Variants in HERC2 observed in about 807,000 individuals in gnomAD.
The protein encoded by HERC2 is HECT and RLD domain containing E3 ubiquitin protein ligase 2, also known as E3 ubiquitin-protein ligase HERC2.
Under a neutral mutation model 537.7 loss-of-function variants are expected in HERC2, and 102 were observed. That is an observed-to-expected ratio of 0.19 (90% confidence interval 0.16 to 0.22). HERC2 has a LOEUF of 0.22. HERC2 is among the 10% of genes least tolerant of loss of function. HERC2 has a pLI of 1.00. For synonymous variants in HERC2, 2,224 were observed against 2,466.2 expected (o/e 0.90, Z 2.91); for missense variants, 4,236 against 6,198.2 (o/e 0.68, Z 10.63).
chr15:28,118,630 G>A (rs1201191772), intron 86 of HERC2, among the ~76,000 whole-genome samples: 8 of 152,208 alleles, frequency 5.3e-5, no homozygotes, highest in African/African-American at 1.9e-4. Context: ...TATCCAGACA[G>A]CTGTGAGAGT....
chr15:28,191,037 G>A lies in HERC2; in HGVS notation c.8577C>T (p.Asn2859=), dbSNP rs750188350. 1 of 1,612,072 alleles carries A rather than the reference G, an allele frequency of 6.2e-7. No individual in the cohort carries two copies. The highest frequency in any genetic ancestry group is 8.5e-7 in the Non-Finnish European group (1 of 1,178,178). The change falls in exon 55 of 93, where the codon AAC becomes AAT. Residue 2859 remains asparagine (N), a synonymous_variant. Transcript: ENST00000261609. ...TATTGATTGTCTTTAGTTCAATAAG[G>A]TTATTCAGGGAATTTCCACCTAGGA... ...VVVSGGNSLN[N]LIELKTININ...
In HERC2 at chr15:28,265,542, C is replaced by A; in HGVS notation, c.1870+76G>T. On this transcript the variant is annotated intron_variant, in intron 14 of 92. Coordinates refer to ENST00000261609, the MANE Select transcript of HERC2 (RefSeq NM_004667.6). The surrounding 1 kb of genome is among the most constrained non-coding windows in gnomAD (Gnocchi z 4.0). ...GGGTGGCCTCGTGAGGCCCACTGTA[C>A]TCATCTCACTTCCTCCAGGGAAGCT... The A allele has an allele frequency of 8.1e-7, 1 of 1,241,008 alleles. No individual in the cohort carries two copies. Among genetic ancestry groups the A allele is most frequent in the Non-Finnish European group, 1.2e-6 (1 of 848,962 alleles). 76.9% of individuals were successfully genotyped at this position (1,241,008 alleles called of 1,614,324 possible). A position where few individuals can be genotyped will look rare whatever the true frequency, so the allele number is the denominator to read the frequency against.
At chr15:28,311,996 G>C (rs146834211) in intron 2 of HERC2, among the ~76,000 whole-genome samples, 227 of 152,336 alleles carry the variant, frequency 1.5e-3, no homozygotes, top group African/African-American at 5.1e-3. Flanking sequence ...CACTGGGAAG[G>C]AAGAGGATAG....
intron 19 of HERC2, among the ~76,000 whole-genome samples, chr15:28,255,668 A>G (rs1239849023): frequency 6.6e-6 from 1 of 152,264 alleles, no homozygotes; most frequent in Non-Finnish European, 1.5e-5. Flanking sequence ...CTTCACTGAA[A>G]CAGACAACAT....
intron 20 of HERC2, among the ~76,000 whole-genome samples, chr15:28,250,579 G>A (rs942507654): frequency 3.3e-5 from 5 of 152,108 alleles, no homozygotes; most frequent in Admixed American, 6.5e-5. Context: ...GTGGCTCCTC[G>A]CCAGCATGTA....
chr15:28,298,247 G>A (rs1394816555), intron 3 of HERC2, among the ~76,000 whole-genome samples: 4 of 144,640 alleles, frequency 2.8e-5, no homozygotes, highest in South Asian at 4.6e-4. Flanking sequence ...TCCACCTCCC[G>A]GCTCCAAGCA....
rs1207934408 is a variant in HERC2, at chr15:28,248,532, T to C, written c.3235+20A>G. The C allele has an allele frequency of 1.9e-6, 3 of 1,600,486 alleles. No homozygotes were observed. The highest frequency in any genetic ancestry group is 2.2e-5 in the East Asian group (1 of 44,792). Reference sequence around the variant, plus strand: ...AGCCCCGATCACATACAAGACACTTTCACATTTTAAGCAACTTACTAGAAA... The same window carrying C: ...AGCCCCGATCACATACAAGACACTTCCACATTTTAAGCAACTTACTAGAAA... On this transcript the variant is annotated intron_variant, in intron 21 of 92. Coordinates refer to ENST00000261609, the MANE Select transcript of HERC2 (RefSeq NM_004667.6).
chr15:28,130,462 A>G (rs1356921910), intron 82 of HERC2, 41 bp downstream of exon 82: 1 of 1,589,280 alleles, frequency 6.3e-7, no homozygotes, highest in East Asian at 2.2e-5. Flanking sequence ...CCCAATAAAA[A>G]TCTGGTTTTA....
chr15:28,142,540 G>A (rs904308096), intron 75 of HERC2, 147 bp from the exon 76 acceptor site: 10 of 883,322 alleles, frequency 1.1e-5, no homozygotes, highest in South Asian at 3.6e-5. Flanking sequence ...GTGATGTGGC[G>A]ACCTCTGACA....
At chr15:28,218,366 CTT>C in intron 38 of HERC2, 121 bp downstream of exon 38, 2 of 833,008 alleles carry the variant, frequency 2.4e-6, no homozygotes, top group Non-Finnish European at 3.9e-6. Context: ...AGTTTGTATA[CTT>C]TGTTACAGCA....
intron 57 of HERC2, among the ~76,000 whole-genome samples, chr15:28,182,015 C>T (rs954500819): frequency 2.6e-5 from 4 of 152,276 alleles, no homozygotes; most frequent in Non-Finnish European, 4.4e-5. Flanking sequence ...GAATCTCAGG[C>T]GCGAAGCACC....
chr15:28,301,774 T>C (rs1318622742), intron 2 of HERC2, among the ~76,000 whole-genome samples: 2 of 122,516 alleles, frequency 1.6e-5, no homozygotes, highest in African/African-American at 3.1e-5. Flanking sequence ...TATATATATA[T>C]ATATATGGGT....
intron 11 of HERC2, 117 bp downstream of exon 11, chr15:28,269,131 G>T: frequency 1.4e-6 from 1 of 739,334 alleles, no homozygotes. Context: ...ACAATAAACA[G>T]AACTTTGTCA....
rs530366287 is a variant in HERC2, at chr15:28,260,810, T to C, written c.2283A>G (p.Lys761=). ...EPAALPGLDT[K]HIVGIACGPA... ...GCCCACAGGCAATTCCCACTATGTG[T>C]TTGGTGTCCAGTCCTGGCAATGCTG... Residue 761 remains lysine, a synonymous_variant, in exon 16 of 93, where the codon AAA becomes AAG. Transcript: ENST00000261609. 1.9e-6 allele frequency: 3 copies of C among 1,614,178 alleles called. No homozygotes were observed. In the South Asian group the frequency reaches 3.3e-5, roughly 18 times the overall value.
chr15:28,283,848 A>G (rs891527219), intron 4 of HERC2, among the ~76,000 whole-genome samples: 2 of 152,212 alleles, frequency 1.3e-5, no homozygotes, highest in African/African-American at 4.8e-5. Context: ...GTACAATCTG[A>G]TAAGTGTTCA....
chr15:28,193,510 T>C (rs1269466535), intron 52 of HERC2, among the ~76,000 whole-genome samples: 1 of 147,034 alleles, frequency 6.8e-6, no homozygotes, highest in Non-Finnish European at 1.5e-5. Context: ...GAAAGAAGAG[T>C]CCCCCCAAAA....
At chr15:28,278,289 G>A (rs1262911731) in intron 5 of HERC2, among the ~76,000 whole-genome samples, 2 of 152,094 alleles carry the variant, frequency 1.3e-5, no homozygotes, top group Non-Finnish European at 2.9e-5. Context: ...AGGCTGAGGT[G>A]GGAGAATCAC....
chr15:28,254,159 T>A (rs1265506714), intron 20 of HERC2, among the ~76,000 whole-genome samples, 181 bp downstream of exon 20: 1 of 151,968 alleles, frequency 6.6e-6, no homozygotes, highest in African/African-American at 2.4e-5. Flanking sequence ...GGCACACACC[T>A]GTAATCCCAG....
chr15:28,164,459 C>T (rs2142456322), intron 68 of HERC2, among the ~76,000 whole-genome samples: 1 of 152,284 alleles, frequency 6.6e-6, no homozygotes, highest in Admixed American at 6.5e-5. Flanking sequence ...GAACATAACT[C>T]ACTGAAGGAC....
Sources: allele counts gnomAD v4.1 joint callset (sites outside exome capture counted in the v4.1 genomes callset), GRCh38; gene constraint gnomAD v4.1.1; non-coding constraint Gnocchi (gnomAD v3.1); transcripts MANE v1.5; gene names NCBI Gene and HGNC (gene_info 2026-07-23, HGNC 2026-07-21).